Variants in CSMD1 observed in about 807,000 individuals in gnomAD.
CSMD1 encodes the protein CUB and sushi domain-containing protein 1.
In CSMD1, 213 loss-of-function variants were observed where a neutral mutation model predicts 417.5. The ratio of observed to expected loss-of-function variants is 0.51; its 90% CI spans 0.46 to 0.57. The LOEUF (loss-of-function observed/expected upper bound fraction) is 0.57, where lower values mean the gene tolerates loss of function less well. Among genes scored for constraint, CSMD1 ranks in the 20% least tolerant of loss-of-function variants. The pLI is 0.00. For missense variants in CSMD1, 6,923 were observed against 4,529.7 expected, an observed-to-expected ratio of 1.53 and a Z score of -15.17; for synonymous variants, 2,862 against 1,736.8, an observed-to-expected ratio of 1.65 and a Z score of -16.11.
In CSMD1 at chr8:3,756,518, T is replaced by G. The variant is rs924023414; in HGVS notation, c.819-2476A>C. On this transcript the variant is annotated intron_variant, in intron 5 of 69. Transcript: ENST00000635120. ...TTAAGCACAGAAGCAAGCCTACCTT[T>G]TCCACATCAGATACGATCCTAATGT... Among the ~76,000 whole-genome samples the G allele has an allele frequency of 4.6e-5, 7 of 152,188 alleles. No individual in the cohort carries two copies. The South Asian group carries it at 1.4e-3, about 31-fold the overall frequency.
At chr8:2,955,819 CAT>C (rs1448212200) in intron 63 of CSMD1, 51 bp from the exon 64 acceptor site, 12 of 1,543,560 alleles carry the variant, frequency 7.8e-6, no homozygotes, top group African/African-American at 5.5e-5. Flanking sequence ...AAAGTTAGCA[CAT>C]GTGTCTAGAG....
chr8:4,069,461 C>T lies in CSMD1; in HGVS notation c.416-37362G>A, dbSNP rs757958182. On this transcript the variant is annotated intron_variant, in intron 3 of 69. Transcript: ENST00000635120. ...GTAAAGGAAATACAGTTTTGTCTTT[C>T]GCAGGATATTATCTCTAGGTAAGTA... Among the ~76,000 whole-genome samples the T allele has an allele frequency of 9.2e-5, 14 of 152,274 alleles. No individual in the cohort carries two copies. The East Asian group carries it at 1.4e-3, about 15-fold the overall frequency.
rs145539144 is a variant in CSMD1, at chr8:3,927,384, C to G, written c.818+70519G>C. 5.8e-3 allele frequency among the ~76,000 whole-genome samples: 884 copies of G among 151,948 alleles called. 10 individuals carry two copies. Among genetic ancestry groups the G allele is most frequent in the African/African-American group, 0.02 (848 of 41,486 alleles). ...TATCACTGTATAACAGAAAACAATA[C>G]AGCCAGACACAGTGGCTCCTACCTG... On this transcript the variant is annotated intron_variant, in intron 5 of 69. Transcript: ENST00000635120.
chr8:3,171,842 G>A (rs9692722), intron 37 of CSMD1, among the ~76,000 whole-genome samples: 6,085 of 152,224 alleles, frequency 0.04, 418 homozygotes, highest in African/African-American at 0.14. Flanking sequence ...GGGAATAGAG[G>A]ATATAAGTGT....
At chr8:4,549,245 C>G (rs1429540773) in intron 2 of CSMD1, among the ~76,000 whole-genome samples, 1 of 152,046 alleles carries the variant, frequency 6.6e-6, no homozygotes, top group Non-Finnish European at 1.5e-5. Context: ...CTACCATATT[C>G]CAGAATGCCA....
At chr8:4,790,856 G>A (rs944317349) in intron 1 of CSMD1, among the ~76,000 whole-genome samples, 10 of 152,150 alleles carry the variant, frequency 6.6e-5, no homozygotes, top group Middle Eastern at 3.4e-3. Context: ...AGACTTAAAC[G>A]GAAAACCTAA....
chr8:3,813,732 G>T (rs535906996), intron 5 of CSMD1, among the ~76,000 whole-genome samples: 8 of 152,228 alleles, frequency 5.3e-5, no homozygotes, highest in African/African-American at 1.7e-4. Flanking sequence ...ATGGTCCATG[G>T]TCCATTTCTG....
At chr8:3,532,259 A>G (rs968415325) in intron 10 of CSMD1, among the ~76,000 whole-genome samples, 1 of 152,152 alleles carries the variant, frequency 6.6e-6, no homozygotes, top group African/African-American at 2.4e-5. Context: ...CAAGCCAGAC[A>G]ATGAGGCCAC....
intron 20 of CSMD1, among the ~76,000 whole-genome samples, chr8:3,366,403 T>A (rs574967870): frequency 7.4e-4 from 112 of 152,332 alleles, no homozygotes; most frequent in African/African-American, 2.5e-3. Flanking sequence ...TTAGCATCTC[T>A]GTCATAGAAC....
chr8:4,581,765 T>G (rs1160979732), intron 2 of CSMD1, among the ~76,000 whole-genome samples: 1 of 152,164 alleles, frequency 6.6e-6, no homozygotes, highest in African/African-American at 2.4e-5. Flanking sequence ...AAGACCATCT[T>G]GGCAGACAAT....
In CSMD1 at chr8:3,753,934, G is replaced by C. The variant is rs939374561; in HGVS notation, c.927C>G (p.Phe309Leu). Residue 309 changes from phenylalanine (F) to leucine (L), a missense_variant, in exon 6 of 70, where the codon TTC (phenylalanine) becomes TTG (leucine). Phe to Leu is a conservative substitution (Grantham distance 22, BLOSUM62 0). Transcript: ENST00000635120. ...NHRRKGFNAQFQVKKAIELKS... is the reference protein window; with the variant it reads ...NHRRKGFNAQLQVKKAIELKS... ...TATAAGATGGAGCATCCTTACCTTGGAACTGAGCGTTAAATCCTTTGCGTC... is the reference window on the plus strand; with the variant it reads ...TATAAGATGGAGCATCCTTACCTTGCAACTGAGCGTTAAATCCTTTGCGTC... 1 of 1,605,858 alleles carries C rather than the reference G, an allele frequency of 6.2e-7. No individual in the cohort carries two copies. Among genetic ancestry groups the C allele is most frequent in the Non-Finnish European group, 8.5e-7 (1 of 1,173,202 alleles).
intron 61 of CSMD1, among the ~76,000 whole-genome samples, chr8:2,961,872 C>A (rs2128925819): frequency 6.6e-6 from 1 of 152,050 alleles, no homozygotes; most frequent in East Asian, 1.9e-4. Flanking sequence ...TACTGTATAG[C>A]AATAGTTTAA....
At chr8:2,943,312 C>T (rs1802016723) in intron 68 of CSMD1, among the ~76,000 whole-genome samples, 1 of 151,804 alleles carries the variant, frequency 6.6e-6, no homozygotes, top group East Asian at 1.9e-4. Context: ...ATTGCAACCT[C>T]TGTCTCCCAG....
intron 49 of CSMD1, among the ~76,000 whole-genome samples, chr8:3,068,557 A>G (rs1281092585): frequency 6.6e-6 from 1 of 152,232 alleles, no homozygotes; most frequent in African/African-American, 2.4e-5. Flanking sequence ...AAAGACATTT[A>G]GTTGGCTCAT....
At chr8:4,248,971 T>G (rs972373573) in intron 3 of CSMD1, among the ~76,000 whole-genome samples, 1 of 152,204 alleles carries the variant, frequency 6.6e-6, no homozygotes, top group Non-Finnish European at 1.5e-5. Context: ...TTTAATATCA[T>G]AATTCAAAAC....
At chr8:3,635,598 G>A (rs528638726) in intron 7 of CSMD1, among the ~76,000 whole-genome samples, 111 of 150,038 alleles carry the variant, frequency 7.4e-4, no homozygotes, top group East Asian at 3.8e-3. Flanking sequence ...ATTCTCCTGC[G>A]TCAACCTCCT....
rs144079218 is a variant in CSMD1, at chr8:4,451,270, G to A, written c.303-31205C>T. On this transcript the variant is annotated intron_variant, in intron 2 of 69. Coordinates refer to ENST00000635120, the MANE Select transcript of CSMD1 (RefSeq NM_033225.6). ...GGCTTGAGCCCAGGAGGTCCAGGCG[G>A]CAGTGATCCAACCAATCATGACTCC... Among the ~76,000 whole-genome samples, 827 of 152,226 alleles carry A rather than the reference G, an allele frequency of 5.4e-3. 10 individuals are homozygous for A. Among genetic ancestry groups the A allele is most frequent in the African/African-American group, 0.019 (798 of 41,532 alleles).
intron 2 of CSMD1, among the ~76,000 whole-genome samples, chr8:4,428,074 T>C (rs1374232598): frequency 3.3e-5 from 5 of 152,180 alleles, no homozygotes; most frequent in African/African-American, 1.2e-4. Context: ...TGTCTCGTTT[T>C]CATATCAGAC....
intron 6 of CSMD1, among the ~76,000 whole-genome samples, chr8:3,746,172 T>TA (rs1179631770): frequency 6.6e-6 from 1 of 152,234 alleles, no homozygotes; most frequent in East Asian, 1.9e-4. Context: ...TCAGGGCTGA[T>TA]ACGCTGAAAA....
Sources: gnomAD v4.1 joint callset for allele counts (sites outside exome capture counted in the v4.1 genomes callset) on GRCh38, gnomAD v4.1.1 for gene constraint, MANE v1.5 for transcripts, NCBI Gene and HGNC (gene_info 2026-07-23, HGNC 2026-07-21) for gene names.